ASIC2: variants seen among roughly 807,000 people sequenced by gnomAD.
The protein encoded by ASIC2 is acid-sensing ion channel 2.
A neutral mutation model predicts 57.3 loss-of-function variants in ASIC2; 25 were observed. The ratio of observed to expected loss-of-function variants is 0.44; its 90% CI spans 0.32 to 0.61. The LOEUF is 0.61. Among genes scored for constraint, ASIC2 ranks in the 20% least tolerant of loss-of-function variants. The pLI, the probability that ASIC2 is intolerant of heterozygous loss-of-function variation, is 0.06. For missense variants in ASIC2, 641 were observed against 738.1 expected, an observed-to-expected ratio of 0.87 and a Z score of 1.52; for synonymous variants, 319 against 307.5, an observed-to-expected ratio of 1.04 and a Z score of -0.39.
intron 1 of ASIC2, among the ~76,000 whole-genome samples, chr17:33,592,036 C>G (rs1335593204): frequency 6.6e-6 from 1 of 152,182 alleles, no homozygotes; most frequent in Non-Finnish European, 1.5e-5. Context: ...TTCCCATTCT[C>G]TGGCTCCTGT....
At chr17:33,567,644 G>A (rs749155860) in intron 1 of ASIC2, among the ~76,000 whole-genome samples, 21 of 152,138 alleles carry the variant, frequency 1.4e-4, no homozygotes, top group Non-Finnish European at 2.6e-4. Context: ...CAGGCTGGTC[G>A]TGGAAAGGGA....
intron 1 of ASIC2, among the ~76,000 whole-genome samples, chr17:33,232,498 C>T (rs62067894): frequency 0.67 from 92,736 of 138,944 alleles, 31,439 homozygotes; most frequent in Middle Eastern, 0.77. Flanking sequence ...TGGTATGGTA[C>T]GGTATGGTAT....
chr17:33,885,430 G>A (rs1914806010), intron 1 of ASIC2, among the ~76,000 whole-genome samples: 2 of 152,092 alleles, frequency 1.3e-5, no homozygotes, highest in Non-Finnish European at 2.9e-5. Context: ...TTATAGGGCA[G>A]GATTATTATA....
intron 3 of ASIC2, among the ~76,000 whole-genome samples, chr17:33,061,981 T>G (rs1429808036): frequency 6.6e-6 from 1 of 152,228 alleles, no homozygotes; most frequent in African/African-American, 2.4e-5. Context: ...GATGGTAGTT[T>G]GTATTTCTGT....
chr17:33,209,526 C>G (rs1907194927), intron 1 of ASIC2, among the ~76,000 whole-genome samples: 1 of 152,188 alleles, frequency 6.6e-6, no homozygotes, highest in Admixed American at 6.5e-5. Context: ...TGACCTCTAT[C>G]CACCAGATGC....
At chr17:34,115,809 C>CTCCCCTTAT (rs1911408877) in intron 1 of ASIC2, among the ~76,000 whole-genome samples, 4 of 152,202 alleles carry the variant, frequency 2.6e-5, no homozygotes, top group Admixed American at 2.0e-4. Flanking sequence ...TTGACCAACA[C>CTCCCCTTAT]TCCCCTTATT....
At chr17:34,109,388 A>G (rs1339211309) in intron 1 of ASIC2, among the ~76,000 whole-genome samples, 1 of 152,164 alleles carries the variant, frequency 6.6e-6, no homozygotes, top group East Asian at 1.9e-4. Flanking sequence ...TGTACAAACA[A>G]TGCCAAAAGT....
In ASIC2 at chr17:34,071,235, G is replaced by A. The variant is rs1010919606; in HGVS notation, c.555+84743C>T. On this transcript the variant is annotated intron_variant, in intron 1 of 9. Transcript: ENST00000359872. ...GTATTGAGATAGTCTAGGGGCCGCA[G>A]GGATGTAGGCCTAGATTCCCTGATC... is the stretch of plus-strand genomic sequence containing the variant. 3.3e-5 allele frequency: 5 copies of A among 152,084 alleles called. 1 individual carries two copies. Among genetic ancestry groups the A allele is most frequent in the Admixed American group, 3.3e-4 (5 of 15,270 alleles). 9.4% of individuals were successfully genotyped at this position (152,084 alleles called of 1,614,324 possible).
At chr17:33,705,126 T>C (rs1908825158) in intron 1 of ASIC2, among the ~76,000 whole-genome samples, 1 of 152,178 alleles carries the variant, frequency 6.6e-6, no homozygotes, top group Non-Finnish European at 1.5e-5. Flanking sequence ...AGCCAAAGCA[T>C]GAAATTTTTC....
chr17:34,105,937 C>A (rs1911034364), intron 1 of ASIC2, among the ~76,000 whole-genome samples: 1 of 151,606 alleles, frequency 6.6e-6, no homozygotes, highest in Non-Finnish European at 1.5e-5. Flanking sequence ...TCTAGTATAC[C>A]ATCCATATTG....
At position 34,017,010 on chromosome 17, in the gene ASIC2, A is replaced by G. The variant is rs186654565; in HGVS notation, c.555+138968T>C. Among the ~76,000 whole-genome samples, 602 of 152,350 alleles carry G rather than the reference A, an allele frequency of 4.0e-3. 2 individuals carry two copies. Among genetic ancestry groups the G allele is most frequent in the South Asian group, 0.013 (64 of 4,826 alleles). On this transcript the variant is annotated intron_variant, in intron 1 of 9. Coordinates refer to the ASIC2 transcript ENST00000359872. ...TTAAAACACAGTGGCTTAAATAGCA[A>G]TAGTTTCATCACAGGCATACCTTAC...
Position 33,103,013 on chromosome 17 carries a change from G to C in ASIC2, c.859+8904C>G, listed in dbSNP as rs549839922. On this transcript the variant is annotated intron_variant, in intron 2 of 9. Transcript: ENST00000225823. ...TTCGCCAGGATGGTCTTGATCTCCTGACCTCGTGATCCGCCCGCCTTGGCC... is the reference window on the plus strand; with the variant it reads ...TTCGCCAGGATGGTCTTGATCTCCTCACCTCGTGATCCGCCCGCCTTGGCC... Among the ~76,000 whole-genome samples the C allele has an allele frequency of 2.6e-5, 4 of 152,252 alleles. No individual in the cohort carries two copies. The South Asian group carries it at 6.2e-4, about 24-fold the overall frequency.
At chr17:33,695,790 T>G (rs1214696712) in intron 1 of ASIC2, among the ~76,000 whole-genome samples, 1 of 152,238 alleles carries the variant, frequency 6.6e-6, no homozygotes, top group Non-Finnish European at 1.5e-5. Flanking sequence ...ATAAATTTAA[T>G]GTCATTCTTC....
intron 1 of ASIC2, among the ~76,000 whole-genome samples, chr17:33,818,887 T>C (rs758006334): frequency 2.0e-5 from 3 of 152,204 alleles, no homozygotes; most frequent in Admixed American, 1.3e-4. Flanking sequence ...ACAATTAAAA[T>C]TGGGCATGCC....
At chr17:33,869,123 G>A (rs1162717905) in intron 1 of ASIC2, among the ~76,000 whole-genome samples, 1 of 152,130 alleles carries the variant, frequency 6.6e-6, no homozygotes, top group Non-Finnish European at 1.5e-5. Flanking sequence ...CTCCAAGGAA[G>A]ATATACGAAT....
intron 1 of ASIC2, among the ~76,000 whole-genome samples, chr17:33,402,809 G>A (rs11652620): frequency 0.21 from 31,253 of 152,100 alleles, 3,698 homozygotes; most frequent in African/African-American, 0.33. Flanking sequence ...ACTCAGAAAT[G>A]GGATTGCTGC....
chr17:33,062,667 G>A (rs1219865730), intron 3 of ASIC2, among the ~76,000 whole-genome samples: 1 of 152,210 alleles, frequency 6.6e-6, no homozygotes, highest in African/African-American at 2.4e-5. Context: ...TTCTGTAGAT[G>A]TCTATTAGGT....
chr17:33,777,678 C>T lies in ASIC2; in HGVS notation c.555+378300G>A, dbSNP rs188149250. On this transcript the variant is annotated intron_variant, in intron 1 of 9. Coordinates refer to the ASIC2 transcript ENST00000359872. ...CGGTAACTGAAGGGATGCTTCCTGG[C>T]TTCCTATCTTTGACTAGAAAATGAA... is the stretch of plus-strand genomic sequence containing the variant. Among the ~76,000 whole-genome samples, 58 of 152,294 alleles carry T rather than the reference C, an allele frequency of 3.8e-4. No homozygotes were observed. The East Asian group carries it at 0.011, about 29-fold the overall frequency.
At chr17:34,054,329 T>G (rs1908681141) in intron 1 of ASIC2, among the ~76,000 whole-genome samples, 1 of 152,228 alleles carries the variant, frequency 6.6e-6, no homozygotes, top group East Asian at 1.9e-4. Flanking sequence ...GAAGTACGTT[T>G]TTGAAGTACA....
Sources: gnomAD v4.1 joint callset for allele counts (sites outside exome capture counted in the v4.1 genomes callset) on GRCh38, gnomAD v4.1.1 for gene constraint, MANE v1.5 for transcripts, NCBI Gene and HGNC (gene_info 2026-07-23, HGNC 2026-07-21) for gene names.